The following ZBTB25 variants were observed in gnomAD, a reference collection of about 807,000 sequenced individuals.
ZBTB25 encodes zinc finger and BTB domain-containing protein 25.
ZBTB25 carries 20 observed loss-of-function variants against 34.2 expected under a neutral mutation model. The observed-to-expected ratio is 0.58, with a 90% CI of 0.41 to 0.85. The LOEUF is 0.85. ZBTB25 is among the 40% of genes least tolerant of loss of function. ZBTB25 has a pLI of 0.00. For missense variants in ZBTB25, 437 were observed against 521.8 expected, an observed-to-expected ratio of 0.84 and a Z score of 1.58; for synonymous variants, 175 against 186.4, an observed-to-expected ratio of 0.94 and a Z score of 0.50.
intron 2 of ZBTB25, among the ~76,000 whole-genome samples, chr14:64,464,954 G>T (rs977949539): frequency 2.6e-5 from 4 of 152,174 alleles, no homozygotes; most frequent in African/African-American, 9.7e-5. Flanking sequence ...GATGAACCAC[G>T]ATGATCTGAC....
At chr14:64,493,089 TAGAAAAAAAAAGTAAC>T (rs2079143823) in intron 1 of ZBTB25, among the ~76,000 whole-genome samples, 1 of 151,758 alleles carries the variant, frequency 6.6e-6, no homozygotes, top group Admixed American at 6.6e-5. Context: ...CAGCTTGGCA[TAGAAAAAAAAAGTAAC>T]AGAAATAATG....
At chr14:64,454,617 G>T (rs1249214910) in intron 2 of ZBTB25, 8 of 885,768 alleles carry the variant, frequency 9.0e-6, no homozygotes, top group Non-Finnish European at 1.5e-5. Context: ...AAGGGAGTTG[G>T]ATGTTTCGAA....
At chr14:64,459,567 C>A (rs2078529159) in intron 2 of ZBTB25, among the ~76,000 whole-genome samples, 1 of 152,146 alleles carries the variant, frequency 6.6e-6, no homozygotes, top group South Asian at 2.1e-4. Flanking sequence ...AGTATTCACA[C>A]AGTACTATGG....
rs570200182 is a variant in ZBTB25, at chr14:64,497,881, C to T, written c.-8+5780G>A. On this transcript the variant is annotated intron_variant, in intron 1 of 2. Coordinates refer to ENST00000608382, the MANE Select transcript of ZBTB25 (RefSeq NM_006977.5). ...TAAAAAAGGAACAAAAAGAGCAAGA[C>T]GACTGTTTCTGTAGGAAAACAGTCT... Among the ~76,000 whole-genome samples, 68 of 152,240 alleles carry T rather than the reference C, an allele frequency of 4.5e-4. 1 individual carries two copies. Among genetic ancestry groups the T allele is most frequent in the African/African-American group, 1.5e-3 (62 of 41,552 alleles).
Position 64,485,078 on chromosome 14 carries a change from T to A in ZBTB25, c.*1845A>T. 1.0e-6 allele frequency: 1 copy of A among 985,472 alleles called. No individual in the cohort carries two copies. Among genetic ancestry groups the A allele is most frequent in the Non-Finnish European group, 1.2e-6 (1 of 829,946 alleles). The allele number at this position is 985,472 out of a possible 1,614,324, so 61.0% of individuals were successfully genotyped here. A position where few individuals can be genotyped will look rare whatever the true frequency, so the allele number is the denominator to read the frequency against. On this transcript the variant is annotated 3_prime_UTR_variant, in exon 3 of 3. Coordinates refer to ENST00000608382, the MANE Select transcript of ZBTB25 (RefSeq NM_006977.5). ...GTTTAAGGCAGAAACTCAACTGCCT[T>A]ACACAATATCCAGTAGCTTTCTTCA...
At chr14:64,451,847 G>A (rs1269076193) in intron 2 of ZBTB25, among the ~76,000 whole-genome samples, 2 of 152,190 alleles carry the variant, frequency 1.3e-5, no homozygotes, top group Non-Finnish European at 2.9e-5. Context: ...CTCCAGTTAT[G>A]AGATGCATAT....
Position 64,469,527 on chromosome 14 carries a change from A to G in ZBTB25, c.174-19889T>C, listed in dbSNP as rs745637355. Reference sequence around the variant, plus strand: ...CAAGTAGGGGTTTTTGCTAATGATAATGGTTTTGAGGATAGAACTTCAGAA... The same window carrying G: ...CAAGTAGGGGTTTTTGCTAATGATAGTGGTTTTGAGGATAGAACTTCAGAA... On this transcript the variant is annotated intron_variant, in intron 2 of 2. Coordinates refer to the ZBTB25 transcript ENST00000555220. The G allele has an allele frequency of 1.9e-6, 3 of 1,613,904 alleles. No individual in the cohort carries two copies. The Admixed American group carries it at 5.0e-5, about 27-fold the overall frequency.
At chr14:64,457,933 C>G in intron 2 of ZBTB25, 1 of 542,246 alleles carries the variant, frequency 1.8e-6, no homozygotes, top group African/African-American at 1.9e-5. Flanking sequence ...TGGCCTTGCT[C>G]TGTCGCCCAG....
At chr14:64,493,000 G>T (rs778151644) in intron 1 of ZBTB25, among the ~76,000 whole-genome samples, 1 of 152,224 alleles carries the variant, frequency 6.6e-6, no homozygotes, top group Admixed American at 6.5e-5. Flanking sequence ...GCAACTTGAT[G>T]GGAAACAAGG....
intron 1 of ZBTB25, chr14:64,502,684 G>A: frequency 3.0e-6 from 3 of 985,536 alleles, no homozygotes; most frequent in Non-Finnish European, 3.6e-6. Flanking sequence ...CAGGTGAGTG[G>A]GGTAAACTGG....
In ZBTB25 at chr14:64,482,966, A is replaced by T. The variant is rs986586824; in HGVS notation, c.*3957T>A. ...AGTAACAATCTCAAGAGTTATAAAT[A>T]AAAAAATTTTTTGTTTTCTTATAAG... On this transcript the variant is annotated 3_prime_UTR_variant, in exon 3 of 3. Coordinates refer to ENST00000608382, the MANE Select transcript of ZBTB25 (RefSeq NM_006977.5). 2.0e-5 allele frequency: 3 copies of T among 152,186 alleles called. No homozygotes were observed. The highest frequency in any genetic ancestry group is 1.9e-4 in the East Asian group (1 of 5,198). The allele number at this position is 152,186 out of a possible 1,614,324, so 9.4% of individuals were successfully genotyped here.
In ZBTB25 at chr14:64,487,956, T is replaced by C. The variant is rs2141023770; in HGVS notation, c.275A>G (p.His92Arg). ...TGKGPKQIVD[H>R]SRLEEGIRFL... ...TCGAATCCCTTCCTCCAAACGACTA[T>C]GATCCACAATCTGTTTTGGCCCTTT... is the stretch of plus-strand genomic sequence containing the variant. The change falls in exon 3 of 3, where the codon CAT (histidine) becomes CGT (arginine). Residue 92 changes from histidine (H) to arginine (R), a missense_variant. Coordinates refer to ENST00000608382, the MANE Select transcript of ZBTB25 (RefSeq NM_006977.5). The C allele has an allele frequency of 2.5e-6, 4 of 1,614,192 alleles. No individual in the cohort carries two copies. The highest frequency in any genetic ancestry group is 3.4e-6 in the Non-Finnish European group (4 of 1,180,038).
At chr14:64,450,161 G>GA (rs1350848678) in intron 2 of ZBTB25, among the ~76,000 whole-genome samples, 1 of 152,200 alleles carries the variant, frequency 6.6e-6, no homozygotes, top group African/African-American at 2.4e-5. Context: ...CCCCAGGGTG[G>GA]AGGGGGAACC....
rs1490553244 is a variant in ZBTB25 at position 64,482,174 on chromosome 14, T to A, written c.*4749A>T. 6.6e-6 allele frequency: 1 copy of A among 152,166 alleles called. No individual in the cohort carries two copies. The highest frequency in any genetic ancestry group is 6.6e-5 in the Admixed American group (1 of 15,262). The allele number at this position is 152,166 out of a possible 1,614,324, so 9.4% of individuals were successfully genotyped here. The stretch of plus-strand genomic sequence containing the variant: ...CTACATCAAAGAAATAAAAATAGGC[T>A]GGGCCCAGTGGCCCATACCTGTAAT... On this transcript the variant is annotated 3_prime_UTR_variant, in exon 3 of 3. Transcript: ENST00000608382.
chr14:64,466,352 T>C (rs1273857785), intron 2 of ZBTB25, among the ~76,000 whole-genome samples: 1 of 152,240 alleles, frequency 6.6e-6, no homozygotes, highest in Non-Finnish European at 1.5e-5. Flanking sequence ...GTATGTGAGA[T>C]ACATTCAAGT....
intron 2 of ZBTB25, among the ~76,000 whole-genome samples, chr14:64,465,783 C>G (rs1176990685): frequency 1.3e-5 from 2 of 152,184 alleles, no homozygotes; most frequent in African/African-American, 2.4e-5. Context: ...AATCCGCGGC[C>G]AGGGCGACCC....
At chr14:64,454,546 C>CT (rs59626407) in intron 2 of ZBTB25, among the ~76,000 whole-genome samples, 9,842 of 133,374 alleles carry the variant, frequency 0.074, 429 homozygotes, top group African/African-American at 0.13. Flanking sequence ...CCCAACAGTT[C>CT]TTTTTTTTTT....
At chr14:64,504,718 G>A, upstream of ZBTB25, 2 of 372,114 alleles carry the variant, frequency 5.4e-6, no homozygotes, top group Non-Finnish European at 9.6e-6. Context: ...CGTAAGCGGG[G>A]CCGGCTCAGT....
Position 64,486,810 on chromosome 14 carries a change from G to T in ZBTB25, c.*113C>A. ...TATACAACCTTAAAACCATGGATAAGCTGTGAAGAAAAAAAGTCAATGAAA... is the reference window on the plus strand; with the variant it reads ...TATACAACCTTAAAACCATGGATAATCTGTGAAGAAAAAAAGTCAATGAAA... On this transcript the variant is annotated 3_prime_UTR_variant, in exon 3 of 3. Coordinates refer to ENST00000608382, the MANE Select transcript of ZBTB25 (RefSeq NM_006977.5). 2.1e-6 allele frequency: 3 copies of T among 1,443,970 alleles called. No individual in the cohort carries two copies. Among genetic ancestry groups the T allele is most frequent in the East Asian group, 5.0e-5 (2 of 40,298 alleles). 89.4% of individuals were successfully genotyped at this position (1,443,970 alleles called of 1,614,324 possible). A position where few individuals can be genotyped will look rare whatever the true frequency, so the allele number is the denominator to read the frequency against.
Sources: gnomAD v4.1 joint callset for allele counts (sites outside exome capture counted in the v4.1 genomes callset) on GRCh38, gnomAD v4.1.1 for gene constraint, MANE v1.5 for transcripts, NCBI Gene and HGNC (gene_info 2026-07-23, HGNC 2026-07-21) for gene names.